Variants in NRXN3 observed in about 807,000 individuals in gnomAD.
The protein encoded by NRXN3 is neurexin 3, also known as neurexin III.
Under a neutral mutation model 137.6 loss-of-function variants are expected in NRXN3, and 32 were observed. That is an observed-to-expected ratio of 0.23 (90% CI 0.18 to 0.31). NRXN3 has a LOEUF of 0.31. NRXN3 is among the 10% of genes least tolerant of loss of function. The probability of loss-of-function intolerance (pLI) is 1.00; values close to 1 mark genes in which losing one functional copy is unlikely to be tolerated. For missense variants in NRXN3, 1,574 were observed against 2,062.5 expected, an observed-to-expected ratio of 0.76 and a Z score of 4.59; for synonymous variants, 798 against 784.5, an observed-to-expected ratio of 1.02 and a Z score of -0.29.
chr14:79,209,435 T>G (rs539096688), intron 15 of NRXN3, among the ~76,000 whole-genome samples: 2 of 151,996 alleles, frequency 1.3e-5, no homozygotes, highest in East Asian at 3.9e-4. Context: ...AAAGTCACAA[T>G]GGGTAAAGTG....
intron 20 of NRXN3, among the ~76,000 whole-genome samples, chr14:79,834,323 C>T (rs776076593): frequency 2.2e-4 from 34 of 152,084 alleles, no homozygotes; most frequent in Non-Finnish European, 8.8e-5. Flanking sequence ...TTTCTGCCAC[C>T]TTCCCTTCTT....
chr14:79,617,651 C>G (rs1049623210), intron 16 of NRXN3, among the ~76,000 whole-genome samples: 2 of 152,026 alleles, frequency 1.3e-5, no homozygotes, highest in Non-Finnish European at 2.9e-5. Context: ...CTATTTCACT[C>G]ACTGATGAGT....
chr14:79,636,625 A>G (rs2098405168), intron 16 of NRXN3, among the ~76,000 whole-genome samples: 2 of 152,200 alleles, frequency 1.3e-5, no homozygotes, highest in African/African-American at 4.8e-5. Context: ...GAGCAGAAAC[A>G]TTACAGATGT....
intron 15 of NRXN3, among the ~76,000 whole-genome samples, chr14:79,339,666 G>C (rs2092484927): frequency 6.6e-6 from 1 of 152,192 alleles, no homozygotes; most frequent in Non-Finnish European, 1.5e-5. Context: ...GCATATTAAA[G>C]TTTGAGGAAC....
In NRXN3 at chr14:79,296,428, T is replaced by C. The variant is rs577273507; in HGVS notation, c.3263-170793T>C. ...ATTATTTCCACAGGCATGCAGGAGA[T>C]GGGCTGAAATATACTTGGGAAAAAA... On this transcript the variant is annotated intron_variant, in intron 15 of 20. Transcript: ENST00000335750. Among the ~76,000 whole-genome samples the C allele has an allele frequency of 2.1e-3, 314 of 150,354 alleles. 5 individuals carry two copies. The South Asian group carries it at 0.021, about 10-fold the overall frequency.
At chr14:79,398,150 C>G (rs141436439) in intron 15 of NRXN3, among the ~76,000 whole-genome samples, 5 of 152,310 alleles carry the variant, frequency 3.3e-5, no homozygotes, top group Non-Finnish European at 5.9e-5. Flanking sequence ...CACCCGCTAA[C>G]TCCAATCCTA....
At chr14:79,205,283 A>T (rs1050834871) in intron 15 of NRXN3, among the ~76,000 whole-genome samples, 1 of 152,142 alleles carries the variant, frequency 6.6e-6, no homozygotes, top group African/African-American at 2.4e-5. Context: ...TCCATTTAAC[A>T]GTTAGTTGTA....
At chr14:78,465,657 T>A (rs12885905) in intron 4 of NRXN3, among the ~76,000 whole-genome samples, 1 of 150,416 alleles carries the variant, frequency 6.6e-6, no homozygotes, top group Non-Finnish European at 1.5e-5. Flanking sequence ...CCTGCCTCAC[T>A]CTCCCGAGTA....
chr14:79,710,350 TA>T (rs148941662), intron 19 of NRXN3, among the ~76,000 whole-genome samples: 18 of 151,668 alleles, frequency 1.2e-4, no homozygotes, highest in South Asian at 2.1e-4. Context: ...AGGGCTACTT[TA>T]AAAAAAAATA....
intron 16 of NRXN3, among the ~76,000 whole-genome samples, chr14:79,528,113 C>A (rs1333551618): frequency 3.3e-5 from 5 of 152,038 alleles, no homozygotes; most frequent in Non-Finnish European, 7.4e-5. Flanking sequence ...GGGTATTCAT[C>A]CTATGGAAAT....
intron 10 of NRXN3, among the ~76,000 whole-genome samples, chr14:78,945,821 C>A (rs1304450730): frequency 6.6e-6 from 1 of 152,210 alleles, no homozygotes; most frequent in African/African-American, 2.4e-5. Flanking sequence ...CTCTTCATTT[C>A]TGGACCCTGC....
At chr14:78,582,689 C>G (rs1170058134) in intron 4 of NRXN3, among the ~76,000 whole-genome samples, 2 of 152,146 alleles carry the variant, frequency 1.3e-5, no homozygotes, top group African/African-American at 4.8e-5. Context: ...ATTGAACTTC[C>G]CAGCATCTGG....
At chr14:78,469,220 T>G (rs1350864325) in intron 4 of NRXN3, among the ~76,000 whole-genome samples, 1 of 152,058 alleles carries the variant, frequency 6.6e-6, no homozygotes, top group Non-Finnish European at 1.5e-5. Flanking sequence ...TATGGCAAAA[T>G]AGGAATCATT....
chr14:78,490,117 G>A (rs1206501222), intron 4 of NRXN3, among the ~76,000 whole-genome samples: 1 of 152,062 alleles, frequency 6.6e-6, no homozygotes, highest in Non-Finnish European at 1.5e-5. Flanking sequence ...GTTTCACCAA[G>A]TTGGCCAGAA....
At chr14:79,082,057 A>G (rs1398563562) in intron 15 of NRXN3, among the ~76,000 whole-genome samples, 1 of 144,484 alleles carries the variant, frequency 6.9e-6, no homozygotes, top group Admixed American at 7.4e-5. Context: ...ATACATATAT[A>G]TGTTTCATAC....
chr14:79,108,637 G>A (rs560510969), intron 15 of NRXN3, among the ~76,000 whole-genome samples: 2 of 152,210 alleles, frequency 1.3e-5, no homozygotes, highest in South Asian at 2.1e-4. Flanking sequence ...GGTAATCACA[G>A]TTCAATACAG....
intron 4 of NRXN3, among the ~76,000 whole-genome samples, chr14:78,373,947 G>T (rs1407467696): frequency 1.3e-5 from 2 of 152,100 alleles, no homozygotes; most frequent in African/African-American, 4.8e-5. Context: ...AAAAATATTG[G>T]TTTTTATTTT....
chr14:79,765,913 A>G (rs2099054463), intron 19 of NRXN3, among the ~76,000 whole-genome samples: 1 of 152,216 alleles, frequency 6.6e-6, no homozygotes, highest in Non-Finnish European at 1.5e-5. Context: ...TTATATGTTC[A>G]TACAGTTTGC....
At chr14:78,385,825 C>G (rs551244152) in intron 4 of NRXN3, among the ~76,000 whole-genome samples, 9 of 152,232 alleles carry the variant, frequency 5.9e-5, no homozygotes, top group African/African-American at 1.9e-4. Context: ...CAGTCTTGTC[C>G]TAGTGACACC....
Sources: gnomAD v4.1 joint callset for allele counts (sites outside exome capture counted in the v4.1 genomes callset) on GRCh38, gnomAD v4.1.1 for gene constraint, MANE v1.5 for transcripts, NCBI Gene and HGNC (gene_info 2026-07-23, HGNC 2026-07-21) for gene names.